Variants in NRG1 observed in about 807,000 individuals in gnomAD.
NRG1 encodes the protein neuregulin 1.
NRG1 carries 18 observed loss-of-function variants against 63.8 expected under a neutral mutation model. That is an observed-to-expected ratio of 0.28 (90% CI 0.19 to 0.42). The LOEUF is 0.42. Ranked by LOEUF, NRG1 falls within the 10% of genes least tolerant of loss-of-function variation. The pLI, the probability that NRG1 is intolerant of heterozygous loss-of-function variation, is 1.00. For synonymous variants in NRG1, 302 were observed against 301.3 expected, an observed-to-expected ratio of 1.00 and a Z score of -0.02; for missense variants, 762 against 814.7, an observed-to-expected ratio of 0.94 and a Z score of 0.79.
intron 1 of NRG1, among the ~76,000 whole-genome samples, chr8:31,798,763 A>G (rs1376911649): frequency 6.6e-6 from 1 of 152,116 alleles, no homozygotes; most frequent in Non-Finnish European, 1.5e-5. Flanking sequence ...AAATAACTCT[A>G]ATTAGGAGTC....
intron 1 of NRG1, among the ~76,000 whole-genome samples, chr8:32,532,776 A>G (rs1382624737): frequency 6.6e-6 from 1 of 152,050 alleles, no homozygotes; most frequent in Non-Finnish European, 1.5e-5. Context: ...CTCCCAACAA[A>G]AACTTTACTT....
At chr8:32,100,571 T>A in intron 1 of NRG1, among the ~76,000 whole-genome samples, 1 of 132,718 alleles carries the variant, frequency 7.5e-6, no homozygotes, top group African/African-American at 3.5e-5. Flanking sequence ...TGGGAAAGTC[T>A]TTTTTTTTAA....
At chr8:32,516,724 C>T (rs773404861) in intron 1 of NRG1, among the ~76,000 whole-genome samples, 10 of 152,144 alleles carry the variant, frequency 6.6e-5, no homozygotes, top group Non-Finnish European at 1.0e-4. Context: ...ATTTGGCTCT[C>T]AGCTTGCTGA....
intron 1 of NRG1, among the ~76,000 whole-genome samples, chr8:32,457,199 T>C (rs1821707569): frequency 2.0e-5 from 3 of 152,182 alleles, no homozygotes; most frequent in Admixed American, 1.3e-4. Flanking sequence ...TCAACTGAAA[T>C]CTATCACAGT....
intron 1 of NRG1, among the ~76,000 whole-genome samples, chr8:31,896,373 A>G (rs957617988): frequency 2.6e-5 from 4 of 152,212 alleles, no homozygotes; most frequent in Non-Finnish European, 5.9e-5. Flanking sequence ...CTTTAACATG[A>G]TACATAAGAC....
In NRG1 at chr8:32,468,923, C is replaced by T. The variant is rs189938047; in HGVS notation, c.38-126905C>T. On this transcript the variant is annotated intron_variant, in intron 1 of 10. Transcript: ENST00000519301. ...CCATTGAGAAAGTCATTTATTCATT[C>T]GATAGATATCTTCTGAGCACTGCGC... is the stretch of plus-strand genomic sequence containing the variant. 6.4e-3 allele frequency among the ~76,000 whole-genome samples: 981 copies of T among 152,110 alleles called. 10 individuals are homozygous for T. Among genetic ancestry groups the T allele is most frequent in the Non-Finnish European group, 0.011 (723 of 68,004 alleles).
At chr8:32,626,263 G>T (rs1849252163) in intron 5 of NRG1, among the ~76,000 whole-genome samples, 1 of 149,948 alleles carries the variant, frequency 6.7e-6, no homozygotes, top group African/African-American at 2.5e-5. Flanking sequence ...GGAGTTCGCA[G>T]CAAAGTAAAA....
At chr8:32,625,747 C>T (rs943557316) in intron 5 of NRG1, among the ~76,000 whole-genome samples, 4 of 149,298 alleles carry the variant, frequency 2.7e-5, no homozygotes, top group African/African-American at 9.9e-5. Context: ...GCTGTTTGAT[C>T]CTTAGATCAC....
intron 1 of NRG1, among the ~76,000 whole-genome samples, chr8:31,866,057 A>G (rs1325691574): frequency 6.6e-6 from 1 of 152,048 alleles, no homozygotes; most frequent in Non-Finnish European, 1.5e-5. Context: ...TCTTTTTCTC[A>G]AAGATTCCTG....
chr8:32,656,167 A>G (rs995434129), intron 5 of NRG1, among the ~76,000 whole-genome samples: 4 of 152,154 alleles, frequency 2.6e-5, no homozygotes, highest in African/African-American at 9.7e-5. Flanking sequence ...TAATTCATAC[A>G]TATAATATTC....
chr8:32,301,923 A>C (rs1855614187), intron 1 of NRG1, among the ~76,000 whole-genome samples: 1 of 152,192 alleles, frequency 6.6e-6, no homozygotes, highest in African/African-American at 2.4e-5. Flanking sequence ...GAAAAGTATA[A>C]GTAACTGAAG....
chr8:31,985,900 CA>C (rs1809974231), intron 1 of NRG1, among the ~76,000 whole-genome samples: 1 of 152,064 alleles, frequency 6.6e-6, no homozygotes, highest in Non-Finnish European at 1.5e-5. Flanking sequence ...TGGCACTTGG[CA>C]AAACATTGCT....
At chr8:32,277,523 A>G (rs1586576087) in intron 1 of NRG1, among the ~76,000 whole-genome samples, 1 of 152,174 alleles carries the variant, frequency 6.6e-6, no homozygotes, top group East Asian at 1.9e-4. Flanking sequence ...CAATCATTAT[A>G]TATGTTTCAA....
chr8:32,321,515 T>A (rs557720151), intron 1 of NRG1, among the ~76,000 whole-genome samples: 1 of 148,384 alleles, frequency 6.7e-6, no homozygotes, highest in African/African-American at 2.5e-5. Flanking sequence ...AGTGGGTTTT[T>A]TTTTTTTCTT....
intron 1 of NRG1, among the ~76,000 whole-genome samples, chr8:32,176,648 C>A (rs1308241500): frequency 6.6e-6 from 1 of 152,010 alleles, no homozygotes; most frequent in Non-Finnish European, 1.5e-5. Flanking sequence ...ACAAACAACC[C>A]CATCAAAAAG....
chr8:32,315,752 G>A (rs374390724), intron 1 of NRG1, among the ~76,000 whole-genome samples: 43 of 152,318 alleles, frequency 2.8e-4, no homozygotes, highest in African/African-American at 9.4e-4. Flanking sequence ...ACTCATAGCT[G>A]TAAAATGAGT....
At chr8:31,783,603 C>CAAAA (rs772436543) in intron 1 of NRG1, among the ~76,000 whole-genome samples, 272 of 110,510 alleles carry the variant, frequency 2.5e-3, no homozygotes, top group South Asian at 0.013. Flanking sequence ...TGTTTTCAGG[C>CAAAA]AAAAAAAAAA....
intron 1 of NRG1, among the ~76,000 whole-genome samples, chr8:32,457,888 A>G (rs1276059171): frequency 6.6e-6 from 1 of 151,750 alleles, no homozygotes. Flanking sequence ...TCTCCACAGA[A>G]GGTTTTGGTC....
chr8:31,851,943 C>A (rs866100143), intron 1 of NRG1, among the ~76,000 whole-genome samples: 191 of 150,368 alleles, frequency 1.3e-3, no homozygotes, highest in African/African-American at 3.9e-3. Flanking sequence ...TGAACTCATC[C>A]TTTTTTATGG....
Sources: gnomAD v4.1 joint callset for allele counts (sites outside exome capture counted in the v4.1 genomes callset) on GRCh38, gnomAD v4.1.1 for gene constraint, MANE v1.5 for transcripts, NCBI Gene and HGNC (gene_info 2026-07-23, HGNC 2026-07-21) for gene names.